ESRRG: variants seen among roughly 807,000 people sequenced by gnomAD.
The protein encoded by ESRRG is estrogen related receptor gamma.
A neutral mutation model predicts 44.0 loss-of-function variants in ESRRG; 13 were observed. That is an observed-to-expected ratio of 0.30 (90% CI 0.19 to 0.47). ESRRG has a LOEUF of 0.47. ESRRG is among the 20% of genes least tolerant of loss of function. The pLI is 1.00. For missense variants in ESRRG, 395 were observed against 580.6 expected, an observed-to-expected ratio of 0.68 and a Z score of 3.29; for synonymous variants, 215 against 214.6, an observed-to-expected ratio of 1.00 and a Z score of -0.02.
intron 5 of ESRRG, among the ~76,000 whole-genome samples, chr1:216,543,138 A>T (rs1055162070): frequency 6.6e-6 from 1 of 152,038 alleles, no homozygotes; most frequent in East Asian, 1.9e-4. Context: ...AACAATGCAC[A>T]TGGGACAATC....
chr1:217,012,374 C>T (rs1042808055), intron 1 of ESRRG, among the ~76,000 whole-genome samples: 13 of 152,054 alleles, frequency 8.5e-5, no homozygotes, highest in Admixed American at 2.6e-4. Context: ...TCACAGGGAC[C>T]CCAAACTCTC....
intron 2 of ESRRG, among the ~76,000 whole-genome samples, chr1:216,670,534 C>T (rs2074956838): frequency 6.6e-6 from 1 of 152,152 alleles, no homozygotes; most frequent in Admixed American, 6.6e-5. Context: ...GGAAAAAAGC[C>T]CAGCTGGAGC....
chr1:216,918,724 GCA>G (rs2061480119), intron 2 of ESRRG, among the ~76,000 whole-genome samples: 1 of 151,336 alleles, frequency 6.6e-6, no homozygotes, highest in African/African-American at 2.4e-5. Context: ...TTATAATAAA[GCA>G]GAATGTTAGC....
At chr1:216,899,209 C>T (rs910235546) in intron 2 of ESRRG, among the ~76,000 whole-genome samples, 10 of 152,260 alleles carry the variant, frequency 6.6e-5, no homozygotes, top group East Asian at 1.9e-4. Context: ...GACACCTGGA[C>T]TTTGTTTCTG....
intron 1 of ESRRG, among the ~76,000 whole-genome samples, chr1:217,044,379 G>A (rs1193213283): frequency 2.0e-5 from 3 of 151,972 alleles, no homozygotes; most frequent in Admixed American, 2.0e-4. Flanking sequence ...TTAACTACAG[G>A]GCTGTACTAA....
intron 2 of ESRRG, among the ~76,000 whole-genome samples, chr1:216,858,778 T>G (rs2095999782): frequency 6.6e-6 from 1 of 152,148 alleles, no homozygotes; most frequent in South Asian, 2.1e-4. Flanking sequence ...TAGAAGACAC[T>G]CAATAAATGT....
chr1:216,509,019 C>T (rs1159019735), intron 6 of ESRRG, among the ~76,000 whole-genome samples: 2 of 152,096 alleles, frequency 1.3e-5, no homozygotes, highest in East Asian at 1.9e-4. Flanking sequence ...TCCAACTAGA[C>T]CAAAAACACA....
chr1:216,514,400 T>C (rs911040453), intron 6 of ESRRG, among the ~76,000 whole-genome samples: 1 of 152,146 alleles, frequency 6.6e-6, no homozygotes, highest in African/African-American at 2.4e-5. Context: ...AACAAAGCTC[T>C]ACCTGCCACA....
chr1:216,808,437 C>T (rs1410661859), intron 2 of ESRRG, among the ~76,000 whole-genome samples: 3 of 152,002 alleles, frequency 2.0e-5, no homozygotes, highest in African/African-American at 4.8e-5. Flanking sequence ...TATGTATTTA[C>T]GTATGTATTT....
At chr1:217,090,824 A>G (rs2092331695), upstream of ESRRG, among the ~76,000 whole-genome samples, 2 of 152,184 alleles carry the variant, frequency 1.3e-5, no homozygotes, top group African/African-American at 4.8e-5. Context: ...TTTTTAATAC[A>G]AAGATGTTAT....
chr1:216,694,218 A>C (rs2079642210), intron 1 of ESRRG, among the ~76,000 whole-genome samples: 1 of 152,194 alleles, frequency 6.6e-6, no homozygotes, highest in African/African-American at 2.4e-5. Flanking sequence ...AGATTAAATA[A>C]AAATTATTTG....
At chr1:216,657,028 C>CAAGA (rs1467124194) in intron 2 of ESRRG, among the ~76,000 whole-genome samples, 2 of 152,052 alleles carry the variant, frequency 1.3e-5, no homozygotes, top group African/African-American at 4.8e-5. Flanking sequence ...AAAACATAAA[C>CAAGA]AAGAAAGAAA....
intron 2 of ESRRG, among the ~76,000 whole-genome samples, chr1:216,731,081 T>C (rs2088675053): frequency 6.6e-6 from 1 of 152,238 alleles, no homozygotes; most frequent in Non-Finnish European, 1.5e-5. Context: ...TGGAAACATA[T>C]TCTCATTTAA....
chr1:216,728,023 A>C (rs982054512), upstream of ESRRG, among the ~76,000 whole-genome samples: 2 of 152,194 alleles, frequency 1.3e-5, no homozygotes, highest in Non-Finnish European at 2.9e-5. Context: ...AAATGTCAGT[A>C]AAAATTAAAT....
chr1:216,924,872 C>T (rs2062321094), intron 2 of ESRRG, among the ~76,000 whole-genome samples: 1 of 152,008 alleles, frequency 6.6e-6, no homozygotes, highest in Non-Finnish European at 1.5e-5. Flanking sequence ...TTCCTCAGCC[C>T]CTAGCCTGAC....
At chr1:216,669,818 G>A (rs568951498) in intron 2 of ESRRG, among the ~76,000 whole-genome samples, 22 of 152,098 alleles carry the variant, frequency 1.4e-4, no homozygotes, top group Middle Eastern at 3.4e-3. Context: ...CCCAGGAGGT[G>A]GACATTGCAT....
chr1:217,062,935 A>C (rs890640964), intron 1 of ESRRG, among the ~76,000 whole-genome samples: 17 of 152,194 alleles, frequency 1.1e-4, no homozygotes, highest in Non-Finnish European at 2.4e-4. Flanking sequence ...GATAAGGTGC[A>C]CGCTACTTCA....
chr1:216,626,820 C>A (rs1260286361), intron 3 of ESRRG, among the ~76,000 whole-genome samples: 2 of 152,222 alleles, frequency 1.3e-5, no homozygotes, highest in African/African-American at 4.8e-5. Flanking sequence ...GGCCACACTG[C>A]AGTCTGACTC....
intron 2 of ESRRG, among the ~76,000 whole-genome samples, chr1:216,773,092 AC>A (rs1228554065): frequency 6.6e-6 from 1 of 152,088 alleles, no homozygotes; most frequent in Non-Finnish European, 1.5e-5. Flanking sequence ...AGTCAAACAA[AC>A]AAATCAAGGC....
Sources: allele counts gnomAD v4.1 joint callset (sites outside exome capture counted in the v4.1 genomes callset), GRCh38; gene constraint gnomAD v4.1.1; transcripts MANE v1.5; gene names NCBI Gene and HGNC (gene_info 2026-07-23, HGNC 2026-07-21).